Variants in OR3A2 observed in about 807,000 individuals in gnomAD.
OR3A2 encodes the protein olfactory receptor 3A2.
For missense variants in OR3A2, 318 were observed against 392.8 expected, an observed-to-expected ratio of 0.81 and a Z score of 1.61; for synonymous variants, 126 against 159.3, an observed-to-expected ratio of 0.79 and a Z score of 1.57.
chr17:3,341,168 A>G (rs2067162936), intron 2 of OR3A2, among the ~76,000 whole-genome samples: 1 of 152,116 alleles, frequency 6.6e-6, no homozygotes, highest in Non-Finnish European at 1.5e-5. Context: ...GTCTCTGCCC[A>G]TGAGATGGGT....
At chr17:3,288,182 C>T (rs928295324), upstream of OR3A2, among the ~76,000 whole-genome samples, 2 of 137,352 alleles carry the variant, frequency 1.5e-5, no homozygotes, top group African/African-American at 5.4e-5. Flanking sequence ...CAAAGAATTA[C>T]CATTTTAAAA....
chr17:3,352,064 T>C (rs904729348), intron 2 of OR3A2, among the ~76,000 whole-genome samples: 4 of 152,056 alleles, frequency 2.6e-5, no homozygotes, highest in Admixed American at 6.6e-5. Context: ...TTGTGAGAAA[T>C]ATCTATTCTA....
Position 3,350,801 on chromosome 17 carries a change from C to T in OR3A2, c.-178-14675G>A, listed in dbSNP as rs1482875195. Among the ~76,000 whole-genome samples, 21 of 148,380 alleles carry T rather than the reference C, an allele frequency of 1.4e-4. No homozygotes were observed. The East Asian group carries it at 2.2e-3, about 15-fold the overall frequency. ...AATCCTCAATAAAATACTGGCAAACCGAATCCAGCAGCACATCAAAAAGCT... is the reference window on the plus strand; with the variant it reads ...AATCCTCAATAAAATACTGGCAAACTGAATCCAGCAGCACATCAAAAAGCT... On this transcript the variant is annotated intron_variant, in intron 2 of 4. Transcript: ENST00000573491.
At chr17:3,299,718 G>A (rs1337113690) in intron 3 of OR3A2, among the ~76,000 whole-genome samples, 1 of 152,120 alleles carries the variant, frequency 6.6e-6, no homozygotes, top group African/African-American at 2.4e-5. Flanking sequence ...AAACACTGAC[G>A]TGGTGTACAC....
At chr17:3,305,538 CAT>C (rs1324667952) in intron 3 of OR3A2, among the ~76,000 whole-genome samples, 6 of 152,110 alleles carry the variant, frequency 3.9e-5, no homozygotes, top group Non-Finnish European at 5.9e-5. Context: ...TTACTCATGA[CAT>C]AGGACAAAAA....
intron 2 of OR3A2, among the ~76,000 whole-genome samples, chr17:3,382,824 G>A (rs1186629090): frequency 6.6e-6 from 1 of 152,180 alleles, no homozygotes; most frequent in Non-Finnish European, 1.5e-5. Flanking sequence ...TCTAGCAGAG[G>A]AAACCACTCC....
intron 2 of OR3A2, among the ~76,000 whole-genome samples, chr17:3,350,999 ACT>A (rs1394999950): frequency 2.0e-5 from 3 of 151,878 alleles, no homozygotes; most frequent in Non-Finnish European, 2.9e-5. Context: ...CATGCTAAAA[ACT>A]CTCAATAAAT....
At chr17:3,355,654 T>A (rs776006288) in intron 2 of OR3A2, among the ~76,000 whole-genome samples, 1 of 151,416 alleles carries the variant, frequency 6.6e-6, no homozygotes, top group Non-Finnish European at 1.5e-5. Context: ...CTTTTTTGGT[T>A]TTCATTGGCA....
intron 2 of OR3A2, among the ~76,000 whole-genome samples, chr17:3,360,167 G>A (rs1330068439): frequency 6.6e-6 from 1 of 151,764 alleles, no homozygotes; most frequent in Non-Finnish European, 1.5e-5. Flanking sequence ...TTCTCTGATG[G>A]CCAGTGATGA....
intron 2 of OR3A2, among the ~76,000 whole-genome samples, chr17:3,349,863 T>A (rs548925561): frequency 6.6e-6 from 1 of 152,064 alleles, no homozygotes; most frequent in East Asian, 1.9e-4. Flanking sequence ...AAACTAGAAC[T>A]CATGATTAAG....
At chr17:3,367,601 G>GTATATATATTTTATATATATATA (rs1555530076) in intron 2 of OR3A2, among the ~76,000 whole-genome samples, 1 of 122,522 alleles carries the variant, frequency 8.2e-6, no homozygotes, top group Non-Finnish European at 1.6e-5. Flanking sequence ...GTGTGTGTGT[G>GTATATATATTTTATATATATATA]TATATATATA....
chr17:3,302,723 G>A (rs1038486598), intron 3 of OR3A2, among the ~76,000 whole-genome samples: 44 of 152,120 alleles, frequency 2.9e-4, no homozygotes, highest in East Asian at 9.6e-4. Context: ...GATGTTGACC[G>A]ACTGGGAAAG....
chr17:3,365,217 G>A (rs1257035377), intron 2 of OR3A2, among the ~76,000 whole-genome samples: 1 of 152,224 alleles, frequency 6.6e-6, no homozygotes, highest in Non-Finnish European at 1.5e-5. Context: ...TCTTAGGTAT[G>A]TGGGGGTATA....
intron 3 of OR3A2, chr17:3,292,459 C>T (rs749325194): frequency 2.5e-6 from 4 of 1,613,556 alleles, no homozygotes; most frequent in Admixed American, 1.7e-5. Flanking sequence ...TTGCCCCTGA[C>T]CGTGACCAGG....
At chr17:3,332,912 G>A (rs4273071) in intron 3 of OR3A2, among the ~76,000 whole-genome samples, 23,046 of 152,078 alleles carry the variant, frequency 0.15, 2,332 homozygotes, top group African/African-American at 0.28. Context: ...ATTGTAAAAC[G>A]TGTGTTTGAA....
chr17:3,341,701 TTC>T (rs2049320442), intron 2 of OR3A2, among the ~76,000 whole-genome samples: 2 of 152,336 alleles, frequency 1.3e-5, no homozygotes, highest in South Asian at 4.1e-4. Context: ...TTAACATTTT[TTC>T]TTTCATTTCA....
chr17:3,279,269 A>C (rs569949785), intron 1 of OR3A2, 116 bp from the exon 4 acceptor site: 4 of 342,816 alleles, frequency 1.2e-5, no homozygotes, highest in Non-Finnish European at 2.1e-5. Context: ...GAGATGATGA[A>C]TATGTTAATT....
intron 2 of OR3A2, among the ~76,000 whole-genome samples, chr17:3,382,215 C>T (rs536328656): frequency 6.6e-6 from 1 of 152,204 alleles, no homozygotes; most frequent in South Asian, 2.1e-4. Flanking sequence ...TGTGGCTGAG[C>T]CACCGGCACT....
chr17:3,296,078 T>A (rs1184103941), intron 3 of OR3A2, among the ~76,000 whole-genome samples: 2 of 152,070 alleles, frequency 1.3e-5, no homozygotes, highest in Admixed American at 1.3e-4. Context: ...AAAGTGCCCA[T>A]GAAACATTTA....
Sources: allele counts gnomAD v4.1 joint callset (sites outside exome capture counted in the v4.1 genomes callset), GRCh38; gene constraint gnomAD v4.1.1; transcripts MANE v1.5; gene names NCBI Gene and HGNC (gene_info 2026-07-23, HGNC 2026-07-21).